Variants in RUSC2 observed in about 807,000 individuals in gnomAD.
RUSC2 encodes the protein RUN and SH3 domain containing 2.
RUSC2 carries 34 observed loss-of-function variants against 122.2 expected under a neutral mutation model. The ratio of observed to expected loss-of-function variants is 0.28; its 90% CI spans 0.21 to 0.37. RUSC2 has a LOEUF of 0.37. Ranked by LOEUF, RUSC2 falls within the 10% of genes least tolerant of loss-of-function variation. The probability of loss-of-function intolerance (pLI) is 1.00; values close to 1 mark genes in which losing one functional copy is unlikely to be tolerated. For synonymous variants in RUSC2, 784 were observed against 790.0 expected (o/e 0.99, Z 0.13); for missense variants, 1,747 against 1,952.4 (o/e 0.89, Z 1.98).
chr9:35,549,864 G>A (rs1821847964), intron 2 of RUSC2, among the ~76,000 whole-genome samples: 1 of 151,986 alleles, frequency 6.6e-6, no homozygotes, highest in South Asian at 2.1e-4. Context: ...TATATGTTTT[G>A]ATTTGCATTT....
chr9:35,549,130 A>G lies in RUSC2; in HGVS notation c.2014+595A>G, dbSNP rs997166650. On this transcript the variant is annotated intron_variant, in intron 2 of 11. Transcript: ENST00000361226. Reference sequence around the variant, plus strand: ...GAAGGATTCAGAAGACTGATTCTGAACCTGGATGATGGGAAAGATGAGGCC... The same window carrying G: ...GAAGGATTCAGAAGACTGATTCTGAGCCTGGATGATGGGAAAGATGAGGCC... The G allele has an allele frequency of 5.1e-6, 5 of 985,278 alleles. No individual in the cohort carries two copies. In the African/African-American group the frequency reaches 8.7e-5, roughly 17 times the overall value. The allele number at this position is 985,278 out of a possible 1,614,324, so 61.0% of individuals were successfully genotyped here.
intron 1 of RUSC2, among the ~76,000 whole-genome samples, chr9:35,509,891 G>A (rs1175950950): frequency 6.6e-6 from 1 of 152,196 alleles, no homozygotes; most frequent in Non-Finnish European, 1.5e-5. Flanking sequence ...AACAGAGGCT[G>A]AGGGGAATCA....
chr9:35,535,416 G>T (rs1042450813), intron 1 of RUSC2, among the ~76,000 whole-genome samples: 7 of 145,232 alleles, frequency 4.8e-5, no homozygotes, highest in African/African-American at 1.3e-4. Flanking sequence ...GCTCCCGGCC[G>T]CCTAAGCTTC....
intron 1 of RUSC2, among the ~76,000 whole-genome samples, chr9:35,499,738 C>G (rs887338761): frequency 2.0e-5 from 3 of 151,860 alleles, no homozygotes; most frequent in African/African-American, 7.3e-5. Flanking sequence ...GAAAATGCAC[C>G]CTTGTATTTA....
chr9:35,561,224 C>T lies in RUSC2; in HGVS notation c.4393C>T (p.Gln1465Ter). The T allele has an allele frequency of 1.2e-6, 2 of 1,614,192 alleles. No homozygotes were observed. Among genetic ancestry groups the T allele is most frequent in the Non-Finnish European group, 1.7e-6 (2 of 1,180,020 alleles). ...CCACCACCTGGCCACCGGCCCTGGA[C>T]AGCTGAGCTTCCACAAAGGAGACAT... ...LCHHLATGPGQLSFHKGDILR... is the reference protein window; with the variant it reads ...LCHHLATGPG Residue 1465 changes from glutamine to a stop codon, truncating the protein, a stop_gained, in exon 12 of 12, where the codon CAG becomes TAG. Coordinates refer to ENST00000361226, the MANE Select transcript of RUSC2 (RefSeq NM_014806.5). LOFTEE classifies it high-confidence loss of function.
rs2131694217 is a variant in RUSC2 at position 35,555,065 on chromosome 9, G to A, written c.2020G>A (p.Gly674Ser). The A allele has an allele frequency of 6.2e-7, 1 of 1,611,378 alleles. No individual in the cohort carries two copies. Among genetic ancestry groups the A allele is most frequent in the Non-Finnish European group, 8.5e-7 (1 of 1,179,982 alleles). ...TCTCCATCCCTTTGCTACAGGGGGT[G>A]GCACCGAGAGCCGACCAGTCCTTCG... ...RDARARADGG[G>S]TESRPVLRYS... Residue 674 changes from glycine to serine, a missense_variant, in exon 3 of 12, where the codon GGC becomes AGC. Coordinates refer to ENST00000361226, the MANE Select transcript of RUSC2 (RefSeq NM_014806.5). This position sits in a 1 kb window ranked among gnomAD's most constrained non-coding sequence, Gnocchi z 4.6.
chr9:35,524,511 A>T (rs192767883), intron 1 of RUSC2, among the ~76,000 whole-genome samples: 1 of 152,244 alleles, frequency 6.6e-6, no homozygotes, highest in Non-Finnish European at 1.5e-5. Flanking sequence ...GACAGACACT[A>T]TCTTAACGAA....
intron 9 of RUSC2, among the ~76,000 whole-genome samples, chr9:35,559,786 G>T (rs912221992): frequency 6.6e-6 from 1 of 152,174 alleles, no homozygotes; most frequent in African/African-American, 2.4e-5. Flanking sequence ...AGCAATCTGG[G>T]AGTTAGGGTG....
chr9:35,532,374 A>G (rs905963601), intron 1 of RUSC2, among the ~76,000 whole-genome samples: 1 of 152,250 alleles, frequency 6.6e-6, no homozygotes, highest in Non-Finnish European at 1.5e-5. Flanking sequence ...TTGCATTTAA[A>G]TATGGGCCAG....
chr9:35,491,586 A>T (rs1357585611), intron 1 of RUSC2, among the ~76,000 whole-genome samples: 1 of 152,184 alleles, frequency 6.6e-6, no homozygotes, highest in Non-Finnish European at 1.5e-5. Context: ...ACATGTTCTC[A>T]TTCATCCATT....
chr9:35,541,886 T>G (rs947413183), intron 1 of RUSC2, among the ~76,000 whole-genome samples: 2 of 149,402 alleles, frequency 1.3e-5, no homozygotes, highest in Non-Finnish European at 3.0e-5. Context: ...ATTTTAAAAT[T>G]TTTATATATA....
In RUSC2 at chr9:35,503,035, T is replaced by C. The variant is rs570318482; in HGVS notation, c.-93+12863T>C. On this transcript the variant is annotated intron_variant, in intron 1 of 11. Transcript: ENST00000361226. ...AACACCATGGCCAACTAATGTTTTG[T>C]ATTTTTAGTAGAGATAGGGTTTCAT... Among the ~76,000 whole-genome samples the C allele has an allele frequency of 1.1e-4, 17 of 152,192 alleles. 1 individual carries two copies. Among genetic ancestry groups the C allele is most frequent in the South Asian group, 8.3e-4 (4 of 4,810 alleles).
In RUSC2 at chr9:35,550,890, T is replaced by C. The variant is rs372387464; in HGVS notation, c.2014+2355T>C. 1.8e-4 allele frequency among the ~76,000 whole-genome samples: 28 copies of C among 152,046 alleles called. No homozygotes were observed. In the East Asian group the frequency reaches 4.5e-3, roughly 24 times the overall value. On this transcript the variant is annotated intron_variant, in intron 2 of 11. Coordinates refer to ENST00000361226, the MANE Select transcript of RUSC2 (RefSeq NM_014806.5). ...CAGGAGTTCACCAGCCTGACCAACA[T>C]GGTGAAACCCCATCTCTACTAAAAA...
In RUSC2 at chr9:35,547,846, C is replaced by G. The variant is rs754543478; in HGVS notation, c.1325C>G (p.Pro442Arg). The change falls in exon 2 of 12, where the codon CCC (proline) becomes CGC (arginine). Residue 442 changes from proline to arginine, a missense_variant. Physicochemically the swap from Pro to Arg is moderately radical, Grantham distance 103. Transcript: ENST00000361226. The surrounding 1 kb of genome is among the most constrained non-coding windows in gnomAD (Gnocchi z 4.6). ...GPGPDPGPSQPSEYYLFQKPE... is the reference protein window; with the variant it reads ...GPGPDPGPSQRSEYYLFQKPE... ...GGCCCAGACCCAGGCCCCAGCCAGCCCTCTGAGTATTACCTATTCCAGAAG... is the reference window on the plus strand; with the variant it reads ...GGCCCAGACCCAGGCCCCAGCCAGCGCTCTGAGTATTACCTATTCCAGAAG... 8.1e-6 allele frequency: 13 copies of G among 1,614,188 alleles called. No homozygotes were observed. The highest frequency in any genetic ancestry group is 3.3e-5 in the Admixed American group (2 of 59,996).
chr9:35,557,461 G>C lies in RUSC2; in HGVS notation c.2984-453G>C, dbSNP rs1371022691. 6.6e-6 allele frequency among the ~76,000 whole-genome samples: 1 copy of C among 152,186 alleles called. No individual in the cohort carries two copies. The highest frequency in any genetic ancestry group is 1.5e-5 in the Non-Finnish European group (1 of 68,034). On this transcript the variant is annotated intron_variant, in intron 5 of 11. Coordinates refer to ENST00000361226, the MANE Select transcript of RUSC2 (RefSeq NM_014806.5). The surrounding 1 kb of genome is among the most constrained non-coding windows in gnomAD (Gnocchi z 4.6). ...TTCTCTGAAGCAGAACCAAGGGCTTGAGAGGAGGGGTGTCGATTTCACATG... is the reference window on the plus strand; with the variant it reads ...TTCTCTGAAGCAGAACCAAGGGCTTCAGAGGAGGGGTGTCGATTTCACATG...
rs971692532 is a variant in RUSC2 at position 35,558,860 on chromosome 9, C to T, written c.3341+293C>T. Among the ~76,000 whole-genome samples, 7 of 152,244 alleles carry T rather than the reference C, an allele frequency of 4.6e-5. No homozygotes were observed. The highest frequency in any genetic ancestry group is 1.0e-4 in the Non-Finnish European group (7 of 68,048). On this transcript the variant is annotated intron_variant, in intron 8 of 11. Coordinates refer to ENST00000361226, the MANE Select transcript of RUSC2 (RefSeq NM_014806.5). This position sits in a 1 kb window ranked among gnomAD's most constrained non-coding sequence, Gnocchi z 4.3. ...TAAACCCTGATCCTCTCCATTCCAG[C>T]ACTACTTCCAAATCCTGCTTGACCC...
Position 35,496,110 on chromosome 9 carries a change from C to G in RUSC2, c.-93+5938C>G, listed in dbSNP as rs565432043. ...ACTCTCGAGTCAGTGGTTGAGTAAG[C>G]AGTGGAGGAGGAGGGCTTAGATCTA... On this transcript the variant is annotated intron_variant, in intron 1 of 11. Transcript: ENST00000361226. Among the ~76,000 whole-genome samples the G allele has an allele frequency of 1.1e-4, 17 of 152,134 alleles. No individual in the cohort carries two copies. In the East Asian group the frequency reaches 3.3e-3, roughly 29 times the overall value.
Position 35,560,777 on chromosome 9 carries a change from T to G in RUSC2, c.4137T>G (p.Pro1379=). 2.0e-6 allele frequency: 3 copies of G among 1,535,300 alleles called. No homozygotes were observed. In the South Asian group the frequency reaches 3.9e-5, roughly 20 times the overall value. The change falls in exon 10 of 12, where the codon CCT becomes CCG. Residue 1379 remains proline, a synonymous_variant. Coordinates refer to ENST00000361226, the MANE Select transcript of RUSC2 (RefSeq NM_014806.5). The stretch of plus-strand genomic sequence containing the variant: ...AAAATGAGGAAGGGGCCTCAGAGCC[T>G]TCACCTGGAGGCATCAAGTGGGGAC... ...PAENEEGASE[P]SPGGIKWGHL... is the part of the protein sequence containing the mutation.
At chr9:35,504,387 A>G (rs1320281694) in intron 1 of RUSC2, among the ~76,000 whole-genome samples, 1 of 151,596 alleles carries the variant, frequency 6.6e-6, no homozygotes, top group African/African-American at 2.4e-5. Flanking sequence ...TTCATTAAGT[A>G]TATTTTGTTT....
Sources: allele counts gnomAD v4.1 joint callset (sites outside exome capture counted in the v4.1 genomes callset), GRCh38; gene constraint gnomAD v4.1.1; non-coding constraint Gnocchi (gnomAD v3.1); transcripts MANE v1.5; gene names NCBI Gene and HGNC (gene_info 2026-07-23, HGNC 2026-07-21).